Variants in BCR observed in about 807,000 individuals in gnomAD.
The protein encoded by BCR is BCR activator of RhoGEF and GTPase, also known as breakpoint cluster region protein.
In BCR, 58 loss-of-function variants were observed where a neutral mutation model predicts 138.6. The ratio of observed to expected loss-of-function variants is 0.42; its 90% CI spans 0.34 to 0.52. BCR has a LOEUF of 0.52. Ranked by LOEUF, BCR falls within the 20% of genes least tolerant of loss-of-function variation. The pLI, the probability that BCR is intolerant of heterozygous loss-of-function variation, is 0.06. For missense variants in BCR, 1,599 were observed against 1,727.2 expected, an observed-to-expected ratio of 0.93 and a Z score of 1.32; for synonymous variants, 786 against 730.1, an observed-to-expected ratio of 1.08 and a Z score of -1.23.
intron 1 of BCR, among the ~76,000 whole-genome samples, chr22:23,196,230 C>T (rs1481288917): frequency 6.6e-6 from 1 of 152,112 alleles, no homozygotes; most frequent in Non-Finnish European, 1.5e-5. Context: ...TCAGTGCCAG[C>T]GTCCCTCTGG....
chr22:23,247,409 C>G (rs2073169002), intron 1 of BCR, among the ~76,000 whole-genome samples: 1 of 152,228 alleles, frequency 6.6e-6, no homozygotes, highest in South Asian at 2.1e-4. Flanking sequence ...CTCCTCCACC[C>G]AAATTCCTCC....
At chr22:23,279,102 G>A (rs1026206264) in intron 8 of BCR, among the ~76,000 whole-genome samples, 46 of 152,154 alleles carry the variant, frequency 3.0e-4, no homozygotes, top group African/African-American at 9.2e-4. Context: ...GATGTTTTAC[G>A]TCATGCTCTT....
rs1357402049 is a variant in BCR at position 23,181,348 on chromosome 22, A to G, written c.388A>G (p.Thr130Ala). The G allele has an allele frequency of 1.3e-6, 2 of 1,499,372 alleles. No individual in the cohort carries two copies. The highest frequency in any genetic ancestry group is 1.8e-6 in the Non-Finnish European group (2 of 1,131,096). 92.9% of individuals were successfully genotyped at this position (1,499,372 alleles called of 1,614,324 possible). A position where few individuals can be genotyped will look rare whatever the true frequency, so the allele number is the denominator to read the frequency against. The stretch of plus-strand genomic sequence containing the variant: ...TTCTCCGGGTAAGGCCAGGCCCGGG[A>G]CCGCCCGCAGGCCCGGGGCAGCCGC... Reference protein sequence around the residue: ...EGSPGKARPGTARRPGAAASG... With the variant: ...EGSPGKARPGAARRPGAAASG... The change falls in exon 1 of 23, where the codon ACC becomes GCC. Residue 130 changes from threonine (T) to alanine (A), a missense_variant. Coordinates refer to ENST00000305877, the MANE Select transcript of BCR (RefSeq NM_004327.4).
At chr22:23,263,114 C>T (rs1420944347) in intron 4 of BCR, 3 of 709,776 alleles carry the variant, frequency 4.2e-6, no homozygotes, top group Admixed American at 3.0e-5. Context: ...TTTGGGCCTA[C>T]ATCCCGGGGA....
intron 1 of BCR, among the ~76,000 whole-genome samples, chr22:23,200,397 C>G (rs2072539074): frequency 2.0e-5 from 3 of 152,026 alleles, no homozygotes; most frequent in Admixed American, 2.0e-4. Flanking sequence ...TCACTGCAGC[C>G]TCAACCTCCT....
At chr22:23,292,282 A>G (rs916631779) in intron 14 of BCR, among the ~76,000 whole-genome samples, 1 of 152,152 alleles carries the variant, frequency 6.6e-6, no homozygotes, top group Non-Finnish European at 1.5e-5. Flanking sequence ...TTGTGGATCG[A>G]CTGAGTGAAC....
At chr22:23,202,525 C>T (rs2072564460) in intron 1 of BCR, among the ~76,000 whole-genome samples, 1 of 152,140 alleles carries the variant, frequency 6.6e-6, no homozygotes, top group South Asian at 2.1e-4. Flanking sequence ...TGCTTCTTCC[C>T]CCACGCCCAG....
At chr22:23,294,966 A>C in intron 15 of BCR, 58 bp from the exon 16 acceptor site, 4 of 1,588,922 alleles carry the variant, frequency 2.5e-6, no homozygotes, top group Non-Finnish European at 3.4e-6. Flanking sequence ...AGGACCCTTC[A>C]GCCATAACAT....
chr22:23,211,953 C>G (rs2072689581), intron 1 of BCR, among the ~76,000 whole-genome samples: 1 of 152,096 alleles, frequency 6.6e-6, no homozygotes, highest in Admixed American at 6.5e-5. Context: ...GAACAAAACC[C>G]CCTCCCTGTT....
At chr22:23,228,111 T>G (rs992834030) in intron 1 of BCR, among the ~76,000 whole-genome samples, 1 of 152,204 alleles carries the variant, frequency 6.6e-6, no homozygotes, top group Non-Finnish European at 1.5e-5. Flanking sequence ...GCCTTTCTTT[T>G]TTTGTTTGTT....
At chr22:23,187,940 T>A (rs2072367292) in intron 1 of BCR, among the ~76,000 whole-genome samples, 1 of 152,206 alleles carries the variant, frequency 6.6e-6, no homozygotes, top group South Asian at 2.1e-4. Context: ...TTAAGCAGCT[T>A]AATTTGCCCT....
In BCR at chr22:23,263,573, C is replaced by T. The variant is rs559182771; in HGVS notation, c.1752+2033C>T. 3.3e-4 allele frequency: 509 copies of T among 1,562,296 alleles called. 3 individuals are homozygous for T. The African/African-American group carries it at 5.9e-3, about 18-fold the overall frequency. On this transcript the variant is annotated intron_variant, in intron 4 of 22. Transcript: ENST00000305877. ...TCCGTCCAGATGGTGCCAGCTTGAA[C>T]CGTCAGCCTCTGGGAGTCTGCTGGG...
intron 1 of BCR, among the ~76,000 whole-genome samples, chr22:23,201,188 A>C (rs1020630431): frequency 3.9e-5 from 6 of 152,176 alleles, no homozygotes; most frequent in African/African-American, 1.4e-4. Flanking sequence ...TTTTGATGTC[A>C]CAGTTTCTGG....
intron 1 of BCR, among the ~76,000 whole-genome samples, chr22:23,227,305 T>G (rs2072906145): frequency 6.6e-6 from 1 of 152,198 alleles, no homozygotes; most frequent in African/African-American, 2.4e-5. Context: ...CCCTGCTAAG[T>G]AGCTCCCAGT....
Position 23,273,528 on chromosome 22 carries a change from G to A in BCR, c.1975-106G>A. On this transcript the variant is annotated intron_variant, in intron 7 of 22. Transcript: ENST00000305877. ...GAGAGAGACTGTGGTGACACTGAGGGAGCCGGCGCTCTGGGCTCCGTCCAC... is the reference window on the plus strand; with the variant it reads ...GAGAGAGACTGTGGTGACACTGAGGAAGCCGGCGCTCTGGGCTCCGTCCAC... The A allele has an allele frequency of 2.0e-6, 3 of 1,468,116 alleles. No individual in the cohort carries two copies. In the South Asian group the frequency reaches 3.7e-5, roughly 18 times the overall value. 90.9% of individuals were successfully genotyped at this position (1,468,116 alleles called of 1,614,324 possible).
intron 6 of BCR, 133 bp from the exon 7 acceptor site, chr22:23,272,948 C>A: frequency 1.1e-6 from 1 of 919,038 alleles, no homozygotes. Flanking sequence ...GCCCTTGTCA[C>A]TGCGCAGAGG....
At chr22:23,273,574 A>C in intron 7 of BCR, 60 bp from the exon 8 acceptor site, 4 of 1,608,362 alleles carry the variant, frequency 2.5e-6, no homozygotes, top group Non-Finnish European at 3.4e-6. Flanking sequence ...TGCACTTTGC[A>C]CACAGTGGCA....
At chr22:23,227,266 CTT>C (rs2072905611) in intron 1 of BCR, among the ~76,000 whole-genome samples, 1 of 152,208 alleles carries the variant, frequency 6.6e-6, no homozygotes, top group African/African-American at 2.4e-5. Context: ...GCAATAGACA[CTT>C]TGTTATTGTG....
chr22:23,266,450 C>T (rs975375373), intron 4 of BCR, among the ~76,000 whole-genome samples: 4 of 150,426 alleles, frequency 2.7e-5, no homozygotes, highest in Admixed American at 6.6e-5. Flanking sequence ...AGTGCAGTGG[C>T]GTGATCTTAG....
Sources: allele counts gnomAD v4.1 joint callset (sites outside exome capture counted in the v4.1 genomes callset), GRCh38; gene constraint gnomAD v4.1.1; transcripts MANE v1.5; gene names NCBI Gene and HGNC (gene_info 2026-07-23, HGNC 2026-07-21).